PEG3: variants seen among roughly 807,000 people sequenced by gnomAD.
The protein encoded by PEG3 is paternally expressed 3, also known as paternally-expressed gene 3 protein.
PEG3 carries 23 observed loss-of-function variants against 35.5 expected under a neutral mutation model. That is an observed-to-expected ratio of 0.65 (90% CI 0.47 to 0.92). The LOEUF is 0.92. Among genes scored for constraint, PEG3 ranks in the 40% least tolerant of loss-of-function variants. The pLI is 0.00. For synonymous variants in PEG3, 707 were observed against 697.0 expected (o/e 1.01, Z -0.23); for missense variants, 1,960 against 1,985.3 (o/e 0.99, Z 0.24).
In PEG3 at chr19:56,812,029, A is replaced by T. The variant is rs1162944226; in HGVS notation, c.*1646T>A. 6 of 984,536 alleles carry T rather than the reference A, an allele frequency of 6.1e-6. No homozygotes were observed. In the African/African-American group the frequency reaches 7.0e-5, roughly 11 times the overall value. The allele number at this position is 984,536 out of a possible 1,614,324, so 61.0% of individuals were successfully genotyped here. Reference sequence around the variant, plus strand: ...TTCCAAGCCCTAATCCTGCAGATCCAGAAGAGTAAGATTCAGACACATTTC... The same window carrying T: ...TTCCAAGCCCTAATCCTGCAGATCCTGAAGAGTAAGATTCAGACACATTTC... On this transcript the variant is annotated 3_prime_UTR_variant, in exon 10 of 10. Transcript: ENST00000326441.
Position 56,813,668 on chromosome 19 carries a change from C to G in PEG3, c.*7G>C. ...GGTGAAGGTTTTCTAACCTTTACCC[C>G]ATGCCCTCAGCCAGTGTGGGTATTC... is the stretch of plus-strand genomic sequence containing the variant. On this transcript the variant is annotated 3_prime_UTR_variant, in exon 10 of 10. Coordinates refer to ENST00000326441, the MANE Select transcript of PEG3 (RefSeq NM_006210.3). 2 of 1,608,914 alleles carry G rather than the reference C, an allele frequency of 1.2e-6. No individual in the cohort carries two copies. Among genetic ancestry groups the G allele is most frequent in the Non-Finnish European group, 1.7e-6 (2 of 1,176,124 alleles).
intron 1 of PEG3, among the ~76,000 whole-genome samples, chr19:56,837,406 A>C (rs1207835801): frequency 6.6e-6 from 1 of 152,082 alleles, no homozygotes; most frequent in African/African-American, 2.4e-5. Context: ...CTAGACCCCA[A>C]ATCTTACACC....
rs2048033510 is a variant in PEG3 at position 56,810,279 on chromosome 19, C to T, written c.*3396G>A. On this transcript the variant is annotated 3_prime_UTR_variant, in exon 10 of 10. Transcript: ENST00000326441. Reference sequence around the variant, plus strand: ...AACTTCAAAGTTTCTATAATGAACACATTTCATATATAATGGAAATATATG... The same window carrying T: ...AACTTCAAAGTTTCTATAATGAACATATTTCATATATAATGGAAATATATG... 2.0e-6 allele frequency: 2 copies of T among 980,496 alleles called. No individual in the cohort carries two copies. Among genetic ancestry groups the T allele is most frequent in the African/African-American group, 1.8e-5 (1 of 57,128 alleles). The allele number at this position is 980,496 out of a possible 1,614,324, so 60.7% of individuals were successfully genotyped here.
At chr19:56,823,497 G>C in intron 5 of PEG3, 96 bp downstream of exon 5, 1 of 1,461,284 alleles carries the variant, frequency 6.8e-7, no homozygotes, top group Non-Finnish European at 9.5e-7. Context: ...GGGATGGCGG[G>C]TCATCTTCAT....
intron 1 of PEG3, among the ~76,000 whole-genome samples, chr19:56,839,427 G>A (rs191160654): frequency 2.4e-4 from 36 of 151,028 alleles, no homozygotes; most frequent in African/African-American, 8.8e-4. Flanking sequence ...AGCGGGCAGG[G>A]CCTGAACAGA....
Position 56,815,025 on chromosome 19 carries a change from C to T in PEG3, c.3417G>A (p.Glu1139=), listed in dbSNP as rs1187513465. The change falls in exon 10 of 10, where the codon GAG becomes GAA. Residue 1139 remains glutamate, a synonymous_variant. Coordinates refer to ENST00000326441, the MANE Select transcript of PEG3 (RefSeq NM_006210.3). The stretch of plus-strand genomic sequence containing the variant: ...GGGTGTGAATTACAGAATGTGTGTA[C>T]TCCCGACTGTCAACCAGGCACTTCC... ...HSRKCLVDSR[E]YTHSVIHTHS... is the part of the protein sequence containing the mutation. 1 of 1,614,164 alleles carries T rather than the reference C, an allele frequency of 6.2e-7. No individual in the cohort carries two copies. Among genetic ancestry groups the T allele is most frequent in the South Asian group, 1.1e-5 (1 of 91,078 alleles).
intron 1 of PEG3, among the ~76,000 whole-genome samples, chr19:56,838,781 C>T (rs1318381743): frequency 6.6e-6 from 1 of 152,228 alleles, no homozygotes; most frequent in East Asian, 1.9e-4. Context: ...GCACACACAG[C>T]CCAAGGAGCG....
rs2059688235 is a variant in PEG3, at chr19:56,813,561, T to C, written c.*114A>G. On this transcript the variant is annotated 3_prime_UTR_variant, in exon 10 of 10. Transcript: ENST00000326441. ...GTTTAGAGATGTTAAGTCAGGTGTG[T>C]AACACACTAAGGTTAAGTCTCCTAC... is the stretch of plus-strand genomic sequence containing the variant. The C allele has an allele frequency of 1.4e-6, 2 of 1,459,130 alleles. No homozygotes were observed. Among genetic ancestry groups the C allele is most frequent in the South Asian group, 1.5e-5 (1 of 68,886 alleles). 90.4% of individuals were successfully genotyped at this position (1,459,130 alleles called of 1,614,324 possible).
intron 7 of PEG3, 24 bp from the exon 8 acceptor site, chr19:56,818,726 T>C (rs779220627): frequency 1.2e-5 from 20 of 1,605,912 alleles, no homozygotes; most frequent in Non-Finnish European, 1.7e-5. Flanking sequence ...CACAGACCTC[T>C]CAATGGAGTC....
At position 56,813,175 on chromosome 19, in the gene PEG3, T is replaced by C. The variant is rs1015581379; in HGVS notation, c.*500A>G. ...GGATCTAAGACACTTAAAAATATAA[T>C]CAAATTTGTTGCTCTCTTCCTCCTC... On this transcript the variant is annotated 3_prime_UTR_variant, in exon 10 of 10. Coordinates refer to ENST00000326441, the MANE Select transcript of PEG3 (RefSeq NM_006210.3). 5 of 977,770 alleles carry C rather than the reference T, an allele frequency of 5.1e-6. No individual in the cohort carries two copies. Among genetic ancestry groups the C allele is most frequent in the Admixed American group, 6.4e-5 (1 of 15,724 alleles). The allele number at this position is 977,770 out of a possible 1,614,324, so 60.6% of individuals were successfully genotyped here. A position where few individuals can be genotyped will look rare whatever the true frequency, so the allele number is the denominator to read the frequency against.
intron 2 of PEG3, among the ~76,000 whole-genome samples, chr19:56,834,047 G>A (rs1174701548): frequency 6.6e-6 from 1 of 152,190 alleles, no homozygotes; most frequent in African/African-American, 2.4e-5. Context: ...TCAGTCTTAT[G>A]ACCAGCACAA....
chr19:56,834,018 G>A (rs1351836539), intron 2 of PEG3, among the ~76,000 whole-genome samples: 1 of 152,116 alleles, frequency 6.6e-6, no homozygotes, highest in Non-Finnish European at 1.5e-5. Context: ...TAGAAAGAGA[G>A]GAAATAATAT....
rs2059986809 is a variant in PEG3 at position 56,816,450 on chromosome 19, T to C, written c.1992A>G (p.Glu664=). The change falls in exon 10 of 10, where the codon GAA becomes GAG. Residue 664 remains glutamate, a synonymous_variant. Coordinates refer to ENST00000326441, the MANE Select transcript of PEG3 (RefSeq NM_006210.3). ...TAAGGGACTGACCAGGAATAAAGGT[T>C]TCCTCACACACTTTACCCTTGTTTT... is the stretch of plus-strand genomic sequence containing the variant. ...PFENKGKVCE[E]TFIPGQSLKR... 1.9e-6 allele frequency: 3 copies of C among 1,614,102 alleles called. No homozygotes were observed. In the East Asian group the frequency reaches 6.7e-5, roughly 36 times the overall value.
intron 2 of PEG3, chr19:56,833,170 C>T (rs1294388713): frequency 1.9e-6 from 1 of 517,344 alleles, no homozygotes; most frequent in African/African-American, 1.9e-5. Context: ...CTCAGGCTCC[C>T]ACATCCCATC....
chr19:56,830,984 A>G (rs564097836), intron 2 of PEG3, among the ~76,000 whole-genome samples: 3 of 152,310 alleles, frequency 2.0e-5, no homozygotes, highest in Admixed American at 6.5e-5. Flanking sequence ...CAGAAGGGCA[A>G]TAAGTCTGAA....
rs149202084 is a variant in PEG3, at chr19:56,815,002, G to T, written c.3440C>A (p.Thr1147Asn). 7 of 1,614,044 alleles carry T rather than the reference G, an allele frequency of 4.3e-6. No homozygotes were observed. The African/African-American group carries it at 8.0e-5, about 18-fold the overall frequency. ...SREYTHSVIHTHSISEYQRDY... is the reference protein window; with the variant it reads ...SREYTHSVIHNHSISEYQRDY... ...TCTCTGATACTCGCTGATGGAATGG[G>T]TGTGAATTACAGAATGTGTGTACTC... The change falls in exon 10 of 10, where the codon ACC becomes AAC. Residue 1147 changes from threonine to asparagine, a missense_variant. Coordinates refer to ENST00000326441, the MANE Select transcript of PEG3 (RefSeq NM_006210.3).
chr19:56,822,670 G>C (rs761720909), intron 6 of PEG3, 83 bp downstream of exon 6: 1 of 1,549,258 alleles, frequency 6.5e-7, no homozygotes, highest in African/African-American at 1.4e-5. Flanking sequence ...CAGAAACTTC[G>C]AGGCCCTGGC....
At chr19:56,823,974 T>C (rs527537241) in intron 4 of PEG3, among the ~76,000 whole-genome samples, 1 of 152,262 alleles carries the variant, frequency 6.6e-6, no homozygotes, top group African/African-American at 2.4e-5. Flanking sequence ...GGAGGTTTTC[T>C]CCCTTCTACA....
Position 56,826,867 on chromosome 19 carries a change from T to C in PEG3, c.-162-404A>G, listed in dbSNP as rs117127990. Reference sequence around the variant, plus strand: ...CTAACATTCCCTTATGTAAGATCTATACACATATATATGCTTCTATTCTGT... The same window carrying C: ...CTAACATTCCCTTATGTAAGATCTACACACATATATATGCTTCTATTCTGT... On this transcript the variant is annotated intron_variant, in intron 2 of 9. Transcript: ENST00000326441. Among the ~76,000 whole-genome samples the C allele has an allele frequency of 1.0e-3, 152 of 152,338 alleles. 2 individuals carry two copies. In the East Asian group the frequency reaches 0.027, roughly 27 times the overall value.
Sources: gnomAD v4.1 joint callset for allele counts (sites outside exome capture counted in the v4.1 genomes callset) on GRCh38, gnomAD v4.1.1 for gene constraint, MANE v1.5 for transcripts, NCBI Gene and HGNC (gene_info 2026-07-23, HGNC 2026-07-21) for gene names.